The following TANGO6 variants were observed in gnomAD, a reference collection of about 807,000 sequenced individuals.
TANGO6 encodes the protein transport and Golgi organization protein 6 homolog.
Under a neutral mutation model 114.2 loss-of-function variants are expected in TANGO6, and 90 were observed. The ratio of observed to expected loss-of-function variants is 0.79; its 90% confidence interval spans 0.66 to 0.94. The LOEUF is 0.94. Among genes scored for constraint, TANGO6 ranks in the 40% least tolerant of loss-of-function variants. The probability of loss-of-function intolerance (pLI) is 0.00; values close to 1 mark genes in which losing one functional copy is unlikely to be tolerated. For synonymous variants in TANGO6, 477 were observed against 509.8 expected (o/e 0.94, Z 0.87); for missense variants, 1,274 against 1,315.3 (o/e 0.97, Z 0.49).
intron 14 of TANGO6, among the ~76,000 whole-genome samples, chr16:68,973,416 G>T (rs1188302419): frequency 6.6e-6 from 1 of 152,140 alleles, no homozygotes; most frequent in Non-Finnish European, 1.5e-5. Context: ...CCAACCAGGG[G>T]TTTTGTTCTG....
At chr16:69,018,783 C>T (rs775594824) in intron 15 of TANGO6, among the ~76,000 whole-genome samples, 15 of 151,892 alleles carry the variant, frequency 9.9e-5, no homozygotes, top group Non-Finnish European at 1.5e-4. Context: ...GAAAATTAGC[C>T]GGGCGTGGTG....
chr16:68,914,359 TC>T (rs1383980014), intron 11 of TANGO6, among the ~76,000 whole-genome samples: 1 of 152,026 alleles, frequency 6.6e-6, no homozygotes, highest in African/African-American at 2.4e-5. Flanking sequence ...ATGGTGTTTC[TC>T]CATGCTGGTC....
intron 16 of TANGO6, among the ~76,000 whole-genome samples, chr16:69,024,558 C>G (rs747386515): frequency 3.3e-5 from 5 of 151,910 alleles, no homozygotes; most frequent in Admixed American, 6.6e-5. Flanking sequence ...TGAGCCACCC[C>G]TCCTGGCCCC....
chr16:68,843,644 C>G lies in TANGO6; in HGVS notation c.27C>G (p.Ser9Arg). 6.2e-7 allele frequency: 1 copy of G among 1,613,616 alleles called. No individual in the cohort carries two copies. The highest frequency in any genetic ancestry group is 8.5e-7 in the Non-Finnish European group (1 of 1,179,696). The change falls in exon 1 of 18, where the codon AGC becomes AGG. Residue 9 changes from serine (S) to arginine (R), a missense_variant. Around this residue, in one of 5 missense-constraint regions of TANGO6, gnomAD observed 114 missense variants for 104.6 expected, o/e 1.09. Transcript: ENST00000261778. MAARQAVGSGAQETCGLDR... is the reference protein window; with the variant it reads MAARQAVGRGAQETCGLDR... The stretch of plus-strand genomic sequence containing the variant: ...TGGCGGCCCGACAGGCCGTGGGCAG[C>G]GGGGCTCAGGAGACATGCGGTCTGG...
chr16:68,919,033 AT>A, intron 11 of TANGO6, 51 bp from the exon 12 acceptor site: 1 of 1,561,852 alleles, frequency 6.4e-7, no homozygotes, highest in East Asian at 2.3e-5. Flanking sequence ...AAGGAGAATT[AT>A]GATTTTTTTT....
At chr16:68,971,150 C>CAA (rs1211343043) in intron 14 of TANGO6, among the ~76,000 whole-genome samples, 3 of 73,606 alleles carry the variant, frequency 4.1e-5, no homozygotes, top group Non-Finnish European at 2.8e-5. Flanking sequence ...GACTCCATCT[C>CAA]AAAAAAAAAA....
intron 13 of TANGO6, among the ~76,000 whole-genome samples, chr16:68,929,003 C>T (rs1280450908): frequency 6.6e-6 from 1 of 152,136 alleles, no homozygotes; most frequent in Non-Finnish European, 1.5e-5. Context: ...ACTGCAATTT[C>T]CACCTCCTGG....
chr16:68,996,182 T>G (rs1963987746), intron 15 of TANGO6, among the ~76,000 whole-genome samples: 1 of 152,320 alleles, frequency 6.6e-6, no homozygotes, highest in South Asian at 2.1e-4. Context: ...GAAAAGTAAC[T>G]GTTGTTAATA....
intron 4 of TANGO6, chr16:68,867,863 C>T (rs1214894594): frequency 6.6e-6 from 1 of 151,216 alleles, no homozygotes; most frequent in Non-Finnish European, 1.5e-5. Context: ...ATAATAAAGC[C>T]AGGTGTGGTG....
At chr16:68,972,465 A>G (rs1445693744) in intron 14 of TANGO6, among the ~76,000 whole-genome samples, 2 of 152,204 alleles carry the variant, frequency 1.3e-5, no homozygotes, top group Non-Finnish European at 2.9e-5. Flanking sequence ...AAAAATAAGT[A>G]TAGATTTCTC....
intron 16 of TANGO6, among the ~76,000 whole-genome samples, chr16:69,033,195 TAAATA>T (rs1279433795): frequency 6.6e-6 from 1 of 151,934 alleles, no homozygotes; most frequent in Non-Finnish European, 1.5e-5. Flanking sequence ...CAAAAATAAG[TAAATA>T]AAATAAAAAG....
intron 11 of TANGO6, among the ~76,000 whole-genome samples, chr16:68,910,355 G>T (rs545590989): frequency 6.6e-6 from 1 of 152,108 alleles, no homozygotes; most frequent in Non-Finnish European, 1.5e-5. Flanking sequence ...CACTGACCCC[G>T]TGTTACTCAG....
intron 1 of TANGO6, among the ~76,000 whole-genome samples, chr16:68,848,150 C>T (rs1961845746): frequency 6.6e-6 from 1 of 151,970 alleles, no homozygotes; most frequent in Non-Finnish European, 1.5e-5. Flanking sequence ...GCCGGGAGTA[C>T]AGTGACTATT....
At chr16:69,046,912 C>T (rs994210465) in intron 17 of TANGO6, among the ~76,000 whole-genome samples, 4 of 152,110 alleles carry the variant, frequency 2.6e-5, no homozygotes, top group East Asian at 1.9e-4. Flanking sequence ...CGTGGTGGCT[C>T]ACGCCTGTAA....
intron 17 of TANGO6, among the ~76,000 whole-genome samples, chr16:69,045,350 A>C (rs1301577552): frequency 1.3e-5 from 2 of 148,194 alleles, no homozygotes; most frequent in African/African-American, 5.0e-5. Flanking sequence ...AGGCTGAGGC[A>C]GGAGAATGGC....
Position 68,941,138 on chromosome 16 carries a change from T to C in TANGO6, c.2701+10843T>C, listed in dbSNP as rs144688388. Among the ~76,000 whole-genome samples, 311 of 152,336 alleles carry C rather than the reference T, an allele frequency of 2.0e-3. 8 individuals carry two copies. Among genetic ancestry groups the C allele is most frequent in the Admixed American group, 0.018 (273 of 15,300 alleles). ...TATTGGGTTTATGTAAATAACCATA[T>C]TGTCCTAAGAATATTTAGAAATAGT... On this transcript the variant is annotated intron_variant, in intron 14 of 17. Coordinates refer to ENST00000261778, the MANE Select transcript of TANGO6 (RefSeq NM_024562.2).
intron 14 of TANGO6, among the ~76,000 whole-genome samples, chr16:68,969,846 G>A (rs1420266902): frequency 1.3e-5 from 2 of 152,112 alleles, no homozygotes; most frequent in Non-Finnish European, 2.9e-5. Context: ...CTGGGTCCCG[G>A]AGCTGAAAAG....
Position 68,852,455 on chromosome 16 carries a change from CA to C in TANGO6, c.95-7419del, listed in dbSNP as rs60922133. ...GGTCTGTTGCTTGTATTTATATTTT[CA>C]AAAAAAAAATTTAGTTTATTTGACC... On this transcript the variant is annotated intron_variant, in intron 1 of 17. Coordinates refer to ENST00000261778, the MANE Select transcript of TANGO6 (RefSeq NM_024562.2). Among the ~76,000 whole-genome samples the C allele has an allele frequency of 7.9e-3, 1,180 of 149,820 alleles. 48 individuals carry two copies. In the East Asian group the frequency reaches 0.12, roughly 16 times the overall value.
chr16:68,886,749 G>A (rs1962544442), intron 7 of TANGO6, among the ~76,000 whole-genome samples: 1 of 151,830 alleles, frequency 6.6e-6, no homozygotes, highest in African/African-American at 2.4e-5. Flanking sequence ...GACCTCAGGT[G>A]ATCCACCTGC....
Sources: allele counts gnomAD v4.1 joint callset (sites outside exome capture counted in the v4.1 genomes callset), GRCh38; gene constraint gnomAD v4.1.1; regional missense constraint gnomAD v4.1.1; transcripts MANE v1.5; gene names NCBI Gene and HGNC (gene_info 2026-07-23, HGNC 2026-07-21).